ITGA8: variants seen among roughly 807,000 people sequenced by gnomAD.
ITGA8 encodes integrin subunit alpha 8, also known as integrin alpha-8.
Under a neutral mutation model 142.3 loss-of-function variants are expected in ITGA8, and 91 were observed. The ratio of observed to expected loss-of-function variants is 0.64; its 90% CI spans 0.54 to 0.76. The LOEUF is 0.76. ITGA8 is among the 30% of genes least tolerant of loss of function. The pLI, the probability that ITGA8 is intolerant of heterozygous loss-of-function variation, is 0.00. For missense variants in ITGA8, 1,406 were observed against 1,327.7 expected, an observed-to-expected ratio of 1.06 and a Z score of -0.92; for synonymous variants, 505 against 485.2, an observed-to-expected ratio of 1.04 and a Z score of -0.54.
chr10:15,680,342 C>A, intron 4 of ITGA8, among the ~76,000 whole-genome samples: 1 of 150,574 alleles, frequency 6.6e-6, no homozygotes, highest in Admixed American at 6.7e-5. Flanking sequence ...ATTCTCCTGC[C>A]TCAGCCTCCC....
chr10:15,587,487 T>C (rs1336554606), intron 22 of ITGA8, among the ~76,000 whole-genome samples: 1 of 152,220 alleles, frequency 6.6e-6, no homozygotes, highest in East Asian at 1.9e-4. Flanking sequence ...TTGGCAGCAA[T>C]TTCATCTTCC....
chr10:15,712,705 T>G (rs549615517), intron 2 of ITGA8, among the ~76,000 whole-genome samples: 2 of 152,312 alleles, frequency 1.3e-5, no homozygotes, highest in East Asian at 3.9e-4. Flanking sequence ...AGTTGGCAAC[T>G]CTCTCCATCA....
intron 2 of ITGA8, among the ~76,000 whole-genome samples, chr10:15,713,850 C>A (rs913363459): frequency 1.6e-4 from 24 of 152,026 alleles, no homozygotes; most frequent in African/African-American, 5.6e-4. Flanking sequence ...TTTAAGTTTT[C>A]TTTTCTTTTC....
chr10:15,609,472 T>C (rs1020152460), intron 15 of ITGA8, among the ~76,000 whole-genome samples: 5 of 152,236 alleles, frequency 3.3e-5, no homozygotes, highest in African/African-American at 9.6e-5. Context: ...ATCTATCTGC[T>C]GTGACCTCAG....
chr10:15,669,440 T>A (rs1588711451), intron 8 of ITGA8, among the ~76,000 whole-genome samples: 1 of 152,220 alleles, frequency 6.6e-6, no homozygotes, highest in Non-Finnish European at 1.5e-5. Context: ...TCCAAAGCTT[T>A]TACGTTCTTT....
intron 28 of ITGA8, among the ~76,000 whole-genome samples, chr10:15,530,159 C>T (rs376026359): frequency 6.6e-6 from 1 of 152,140 alleles, no homozygotes; most frequent in East Asian, 1.9e-4. Flanking sequence ...TCCTTTATCC[C>T]CTTTGCATGG....
At chr10:15,658,976 A>T (rs771753515) in intron 10 of ITGA8, 23 bp downstream of exon 10, 21 of 1,455,740 alleles carry the variant, frequency 1.4e-5, no homozygotes, top group Non-Finnish European at 1.7e-5. Context: ...GATTTTATTT[A>T]TTTGATATTA....
chr10:15,657,434 C>T (rs549589874), intron 10 of ITGA8, among the ~76,000 whole-genome samples: 5 of 151,824 alleles, frequency 3.3e-5, no homozygotes, highest in African/African-American at 9.7e-5. Context: ...TAGACTAAAG[C>T]CCCAAATTAC....
Position 15,702,620 on chromosome 10 carries a change from G to C in ITGA8, c.344-14582C>G, listed in dbSNP as rs115565479. Among the ~76,000 whole-genome samples, 807 of 152,204 alleles carry C rather than the reference G, an allele frequency of 5.3e-3. 5 individuals carry two copies. The highest frequency in any genetic ancestry group is 0.019 in the African/African-American group (777 of 41,530). On this transcript the variant is annotated intron_variant, in intron 2 of 29. Coordinates refer to ENST00000378076, the MANE Select transcript of ITGA8 (RefSeq NM_003638.3). ...TGAAGATCTTGACCCCACAGCCTGA[G>C]CTCTAGGTATTGGTTGGGCTTCCTT...
intron 26 of ITGA8, among the ~76,000 whole-genome samples, chr10:15,548,972 T>C (rs1375899018): frequency 6.6e-6 from 1 of 152,202 alleles, no homozygotes; most frequent in African/African-American, 2.4e-5. Flanking sequence ...TACTGACCGA[T>C]TGACATACAT....
chr10:15,579,109 A>T (rs1834354981), intron 23 of ITGA8, among the ~76,000 whole-genome samples: 1 of 152,156 alleles, frequency 6.6e-6, no homozygotes, highest in Admixed American at 6.5e-5. Flanking sequence ...GAAGATTTTC[A>T]AACAGTAGCT....
chr10:15,682,693 A>G (rs1472803608), intron 4 of ITGA8, among the ~76,000 whole-genome samples: 1 of 151,998 alleles, frequency 6.6e-6, no homozygotes, highest in Non-Finnish European at 1.5e-5. Context: ...CCTCTCTACA[A>G]AAAATACAAA....
At chr10:15,558,431 T>C (rs897191940) in intron 25 of ITGA8, among the ~76,000 whole-genome samples, 9 of 152,208 alleles carry the variant, frequency 5.9e-5, no homozygotes, top group Admixed American at 1.3e-4. Context: ...GGGGAATGCA[T>C]TCCTGGGAAG....
In ITGA8 at chr10:15,515,376, C is replaced by T. The variant is rs989009396; in HGVS notation, c.*1782G>A. 6.6e-6 allele frequency: 1 copy of T among 152,232 alleles called. No homozygotes were observed. Among genetic ancestry groups the T allele is most frequent in the African/African-American group, 2.4e-5 (1 of 41,444 alleles). The allele number at this position is 152,232 out of a possible 1,614,324, so 9.4% of individuals were successfully genotyped here. On this transcript the variant is annotated 3_prime_UTR_variant, in exon 30 of 30. Transcript: ENST00000378076. ...ACAGGCAGGAAGAACATGAACTGCA[C>T]CAGCGTGCTCGTCCATGTGCCTTTC...
chr10:15,519,564 C>A, intron 28 of ITGA8, 152 bp from the exon 29 acceptor site: 1 of 820,790 alleles, frequency 1.2e-6, no homozygotes. Flanking sequence ...AGCACTCGAA[C>A]ATGAACTCTT....
chr10:15,605,865 A>T, intron 18 of ITGA8, 74 bp from the exon 19 acceptor site: 1 of 1,356,110 alleles, frequency 7.4e-7, no homozygotes, highest in East Asian at 2.3e-5. Flanking sequence ...AAAATTCTGA[A>T]TGGTGCCACA....
At chr10:15,583,099 G>A (rs955691796) in intron 23 of ITGA8, among the ~76,000 whole-genome samples, 1 of 152,164 alleles carries the variant, frequency 6.6e-6, no homozygotes, top group Non-Finnish European at 1.5e-5. Flanking sequence ...TCATAGCAAA[G>A]ACTTGGAACC....
chr10:15,683,971 TA>T (rs1388977986), intron 4 of ITGA8, 32 bp downstream of exon 4: 1 of 1,613,014 alleles, frequency 6.2e-7, no homozygotes, highest in African/African-American at 1.3e-5. Context: ...GCACTTGAGC[TA>T]ATGTCAGTTT....
At chr10:15,582,799 A>G (rs1356835882) in intron 23 of ITGA8, among the ~76,000 whole-genome samples, 3 of 152,296 alleles carry the variant, frequency 2.0e-5, no homozygotes. Context: ...ATGGTGCATG[A>G]CTGCAACTCT....
Sources: allele counts gnomAD v4.1 joint callset (sites outside exome capture counted in the v4.1 genomes callset), GRCh38; gene constraint gnomAD v4.1.1; transcripts MANE v1.5; gene names NCBI Gene and HGNC (gene_info 2026-07-23, HGNC 2026-07-21).